PRKAR1B: variants seen among roughly 807,000 people sequenced by gnomAD.
PRKAR1B encodes protein kinase cAMP-dependent type I regulatory subunit beta.
Under a neutral mutation model 46.5 loss-of-function variants are expected in PRKAR1B, and 22 were observed. That is an observed-to-expected ratio of 0.47 (90% CI 0.34 to 0.68). The LOEUF is 0.68. Ranked by LOEUF, PRKAR1B falls within the 30% of genes least tolerant of loss-of-function variation. The pLI is 0.01. For synonymous variants in PRKAR1B, 259 were observed against 217.7 expected, an observed-to-expected ratio of 1.19 and a Z score of -1.67; for missense variants, 445 against 535.6, an observed-to-expected ratio of 0.83 and a Z score of 1.67.
chr7:638,206 G>A (rs778972634), intron 4 of PRKAR1B, among the ~76,000 whole-genome samples: 1 of 152,218 alleles, frequency 6.6e-6, no homozygotes, highest in Admixed American at 6.5e-5. Flanking sequence ...TGAGCTCCTC[G>A]ACTTGGCACA....
At chr7:618,909 G>A (rs1782971704) in intron 4 of PRKAR1B, among the ~76,000 whole-genome samples, 1 of 152,162 alleles carries the variant, frequency 6.6e-6, no homozygotes, top group Non-Finnish European at 1.5e-5. Flanking sequence ...TTCATCTGAT[G>A]TAACCTCTTT....
At chr7:624,403 G>C (rs1200334844) in intron 4 of PRKAR1B, among the ~76,000 whole-genome samples, 3 of 151,984 alleles carry the variant, frequency 2.0e-5, no homozygotes, top group Non-Finnish European at 4.4e-5. Context: ...CTGCACTCCA[G>C]CCTGGGCAAC....
chr7:562,334 G>A (rs1254610539), intron 9 of PRKAR1B, among the ~76,000 whole-genome samples: 1 of 152,148 alleles, frequency 6.6e-6, no homozygotes, highest in Non-Finnish European at 1.5e-5. Flanking sequence ...TGTGGTTTGT[G>A]TGGCTTCAAC....
intron 1 of PRKAR1B, among the ~76,000 whole-genome samples, chr7:724,126 T>G (rs546838450): frequency 7.8e-4 from 118 of 152,238 alleles, no homozygotes; most frequent in African/African-American, 2.8e-3. Flanking sequence ...CATATGAATT[T>G]TGGGGAGACG....
At chr7:651,322 C>T (rs1440335922) in intron 4 of PRKAR1B, among the ~76,000 whole-genome samples, 1 of 152,248 alleles carries the variant, frequency 6.6e-6, no homozygotes, top group Non-Finnish European at 1.5e-5. Context: ...TCCATGTTGA[C>T]TGACAAAGCC....
chr7:603,678 G>C (rs957618794), intron 6 of PRKAR1B, among the ~76,000 whole-genome samples: 1 of 149,486 alleles, frequency 6.7e-6, no homozygotes, highest in African/African-American at 2.5e-5. Context: ...GAGGTGACAC[G>C]GTGACACCAG....
chr7:681,853 C>T (rs1348013923), intron 2 of PRKAR1B, among the ~76,000 whole-genome samples: 1 of 152,180 alleles, frequency 6.6e-6, no homozygotes, highest in Non-Finnish European at 1.5e-5. Flanking sequence ...ATGTGCCTTT[C>T]CTCCTGCACC....
At position 698,774 on chromosome 7, in the gene PRKAR1B, G is replaced by A. The variant is rs145990543; in HGVS notation, c.177+12555C>T. 4.4e-3 allele frequency among the ~76,000 whole-genome samples: 675 copies of A among 151,910 alleles called. 3 individuals are homozygous for A. The highest frequency in any genetic ancestry group is 7.5e-3 in the Admixed American group (114 of 15,246). ...CACGACTCCACGTACCCTCCTCCTCGGTGGCAACAGTACATCCTTGCCTGT... is the reference window on the plus strand; with the variant it reads ...CACGACTCCACGTACCCTCCTCCTCAGTGGCAACAGTACATCCTTGCCTGT... On this transcript the variant is annotated intron_variant, in intron 2 of 10. Transcript: ENST00000537384.
chr7:650,724 A>G (rs1487654392), intron 4 of PRKAR1B, among the ~76,000 whole-genome samples: 1 of 152,226 alleles, frequency 6.6e-6, no homozygotes, highest in Non-Finnish European at 1.5e-5. Flanking sequence ...CCTGAAGCTC[A>G]GAGAGGTCAT....
At position 667,270 on chromosome 7, in the gene PRKAR1B, T is replaced by C. The variant is rs1444919990; in HGVS notation, c.440+9959A>G. Among the ~76,000 whole-genome samples the C allele has an allele frequency of 6.6e-6, 1 of 152,212 alleles. No individual in the cohort carries two copies. Among genetic ancestry groups the C allele is most frequent in the Admixed American group, 6.5e-5 (1 of 15,282 alleles). The stretch of plus-strand genomic sequence containing the variant: ...GTGGTGATAACAGTACACACATAGA[T>C]ATTCTTGCTTTATATTCTCACAACA... On this transcript the variant is annotated intron_variant, in intron 4 of 10. Coordinates refer to ENST00000537384, the MANE Select transcript of PRKAR1B (RefSeq NM_001164760.2). The surrounding 1 kb of genome is among the most constrained non-coding windows in gnomAD (Gnocchi z 4.3).
In PRKAR1B at chr7:615,903, G is replaced by T. The variant is rs537377627; in HGVS notation, c.441-8451C>A. Reference sequence around the variant, plus strand: ...AAAGGGAGAGAGAAAGAGAAAAAAGGAAGAGAGAAAGAGAGAAAAAAAGGA... The same window carrying T: ...AAAGGGAGAGAGAAAGAGAAAAAAGTAAGAGAGAAAGAGAGAAAAAAAGGA... On this transcript the variant is annotated intron_variant, in intron 4 of 10. Coordinates refer to ENST00000537384, the MANE Select transcript of PRKAR1B (RefSeq NM_001164760.2). 1.2e-3 allele frequency among the ~76,000 whole-genome samples: 186 copies of T among 150,080 alleles called. 1 individual carries two copies. The highest frequency in any genetic ancestry group is 1.8e-3 in the Non-Finnish European group (122 of 67,508).
At chr7:615,889 G>GAA (rs1196985737) in intron 4 of PRKAR1B, among the ~76,000 whole-genome samples, 1 of 147,576 alleles carries the variant, frequency 6.8e-6, no homozygotes, top group East Asian at 2.0e-4. Context: ...AAGGGAGAGA[G>GAA]AAAGAGAAAA....
chr7:563,257 G>A (rs1378647406), intron 9 of PRKAR1B, among the ~76,000 whole-genome samples: 4 of 152,220 alleles, frequency 2.6e-5, no homozygotes, highest in Non-Finnish European at 4.4e-5. Context: ...CACCTGCCAG[G>A]TCAGGCTGCA....
intron 7 of PRKAR1B, among the ~76,000 whole-genome samples, chr7:592,317 C>A (rs1011499633): frequency 6.6e-6 from 1 of 152,254 alleles, no homozygotes; most frequent in Non-Finnish European, 1.5e-5. Context: ...TTAGCAGCGT[C>A]CTCGAGGCTA....
chr7:659,237 C>T (rs1046377327), intron 4 of PRKAR1B, among the ~76,000 whole-genome samples: 1 of 152,188 alleles, frequency 6.6e-6, no homozygotes, highest in Non-Finnish European at 1.5e-5. Flanking sequence ...ATAGTCTCTT[C>T]CATTAGAAAA....
intron 7 of PRKAR1B, among the ~76,000 whole-genome samples, chr7:589,640 G>A (rs1022021197): frequency 1.3e-5 from 2 of 152,196 alleles, no homozygotes; most frequent in Non-Finnish European, 2.9e-5. Flanking sequence ...ACTGAAACGG[G>A]ACAATCTTGT....
intron 6 of PRKAR1B, among the ~76,000 whole-genome samples, chr7:605,925 G>A (rs1432331543): frequency 5.3e-5 from 8 of 152,164 alleles, no homozygotes; most frequent in Non-Finnish European, 1.0e-4. Context: ...CCCAGCAGTC[G>A]CAGCCCGGGG....
intron 9 of PRKAR1B, among the ~76,000 whole-genome samples, chr7:559,815 C>T (rs1208770909): frequency 6.6e-6 from 1 of 152,192 alleles, no homozygotes; most frequent in East Asian, 1.9e-4. Context: ...GTGGCTCACA[C>T]CTGTAATCCC....
At chr7:676,484 G>C (rs376003265) in intron 4 of PRKAR1B, among the ~76,000 whole-genome samples, 1 of 152,208 alleles carries the variant, frequency 6.6e-6, no homozygotes, top group Non-Finnish European at 1.5e-5. Flanking sequence ...CCATGCATGC[G>C]GAAGAGGCCG....
Sources: gnomAD v4.1 joint callset for allele counts (sites outside exome capture counted in the v4.1 genomes callset) on GRCh38, gnomAD v4.1.1 for gene constraint, Gnocchi (gnomAD v3.1) non-coding constraint, MANE v1.5 for transcripts, NCBI Gene and HGNC (gene_info 2026-07-23, HGNC 2026-07-21) for gene names.